The following FGF14 variants were observed in gnomAD, a reference collection of about 807,000 sequenced individuals.
FGF14 encodes fibroblast growth factor 14.
A neutral mutation model predicts 25.5 loss-of-function variants in FGF14; 5 were observed. The ratio of observed to expected loss-of-function variants is 0.20; its 90% CI spans 0.10 to 0.41. The LOEUF is 0.41. Among genes scored for constraint, FGF14 ranks in the 10% least tolerant of loss-of-function variants. FGF14 has a pLI of 1.00. For synonymous variants in FGF14, 138 were observed against 118.3 expected, an observed-to-expected ratio of 1.17 and a Z score of -1.08; for missense variants, 222 against 320.1, an observed-to-expected ratio of 0.69 and a Z score of 2.34.
intron 1 of FGF14, among the ~76,000 whole-genome samples, chr13:102,286,177 T>C (rs1363428950): frequency 6.6e-6 from 1 of 152,116 alleles, no homozygotes; most frequent in Admixed American, 6.5e-5. Context: ...ATTGCCATAT[T>C]CTCACCAGGT....
intron 1 of FGF14, among the ~76,000 whole-genome samples, chr13:102,128,338 C>T (rs2046037169): frequency 7.0e-6 from 1 of 142,574 alleles, no homozygotes; most frequent in Non-Finnish European, 1.6e-5. Context: ...CATTCAGGAA[C>T]TCCAGCCCCA....
At chr13:101,846,525 T>C (rs539609066) in intron 3 of FGF14, among the ~76,000 whole-genome samples, 10 of 152,174 alleles carry the variant, frequency 6.6e-5, no homozygotes, top group Non-Finnish European at 1.2e-4. Flanking sequence ...CTCTTCTCTG[T>C]TGAAATTTAA....
intron 1 of FGF14, among the ~76,000 whole-genome samples, chr13:101,939,665 T>C (rs933738935): frequency 6.6e-6 from 1 of 152,354 alleles, no homozygotes. Context: ...TTCTATCCTC[T>C]TCCTTGTTTC....
intron 1 of FGF14, among the ~76,000 whole-genome samples, chr13:102,335,550 A>G (rs1274820060): frequency 6.6e-6 from 1 of 152,166 alleles, no homozygotes; most frequent in East Asian, 1.9e-4. Flanking sequence ...AAAAGCCCGA[A>G]TGCCTATGAA....
intron 1 of FGF14, among the ~76,000 whole-genome samples, chr13:101,981,331 A>G (rs2038249482): frequency 6.6e-6 from 1 of 152,130 alleles, no homozygotes; most frequent in South Asian, 2.1e-4. Flanking sequence ...CCCTTCCGCC[A>G]TGTAAGGACA....
chr13:101,859,308 A>C (rs1415313864), intron 3 of FGF14, among the ~76,000 whole-genome samples: 1 of 152,168 alleles, frequency 6.6e-6, no homozygotes, highest in African/African-American at 2.4e-5. Flanking sequence ...ATGGAATCAC[A>C]GATTCTGAGA....
intron 1 of FGF14, among the ~76,000 whole-genome samples, chr13:102,022,635 T>C (rs928345051): frequency 2.0e-5 from 3 of 152,028 alleles, no homozygotes; most frequent in Non-Finnish European, 4.4e-5. Flanking sequence ...TTCAGTTTAA[T>C]AGCCAATGAA....
chr13:101,855,155 T>C lies in FGF14; in HGVS notation c.408+13570A>G, dbSNP rs549721253. Among the ~76,000 whole-genome samples the C allele has an allele frequency of 4.6e-5, 7 of 152,120 alleles. No individual in the cohort carries two copies. The East Asian group carries it at 1.4e-3, about 29-fold the overall frequency. ...ACCCTTCAGGTTATAGACTTATCCT[T>C]AACAAACTCACTTTGACGTGACATT... On this transcript the variant is annotated intron_variant, in intron 3 of 4. Coordinates refer to ENST00000376143, the MANE Select transcript of FGF14 (RefSeq NM_004115.4).
chr13:102,364,294 G>T (rs1366797520), intron 1 of FGF14, among the ~76,000 whole-genome samples: 1 of 152,208 alleles, frequency 6.6e-6, no homozygotes, highest in Non-Finnish European at 1.5e-5. Context: ...AGAGCAACCA[G>T]GATGCTTTAG....
chr13:101,762,363 C>A (rs537881923), intron 3 of FGF14, among the ~76,000 whole-genome samples: 2 of 152,144 alleles, frequency 1.3e-5, no homozygotes, highest in Admixed American at 6.5e-5. Context: ...TCCCAACCTT[C>A]GGACCGAGTT....
In FGF14 at chr13:101,831,867, G is replaced by A. The variant is rs190071315; in HGVS notation, c.408+36858C>T. ...GCAGAGAAACAGAGAGCATGTCAGT[G>A]CTGATGGAGAAGGATTGGTAGAAAT... On this transcript the variant is annotated intron_variant, in intron 3 of 4. Transcript: ENST00000376143. Among the ~76,000 whole-genome samples, 44 of 152,206 alleles carry A rather than the reference G, an allele frequency of 2.9e-4. No individual in the cohort carries two copies. The East Asian group carries it at 4.3e-3, about 15-fold the overall frequency.
In FGF14 at chr13:101,715,696, C is replaced by T. The variant is rs779831497; in HGVS notation, c.*7135G>A. ...GTCTGGATTCTTATTTTTTCTGGGC[C>T]ATTAGAACAGATAAATGCGAAGGAA... On this transcript the variant is annotated 3_prime_UTR_variant, in exon 5 of 5. Transcript: ENST00000376143. 1 of 1,307,026 alleles carries T rather than the reference C, an allele frequency of 7.7e-7. No homozygotes were observed. Among genetic ancestry groups the T allele is most frequent in the Non-Finnish European group, 1.1e-6 (1 of 900,018 alleles). 81.0% of individuals were successfully genotyped at this position (1,307,026 alleles called of 1,614,324 possible). A position where few individuals can be genotyped will look rare whatever the true frequency, so the allele number is the denominator to read the frequency against.
Position 101,848,169 on chromosome 13 carries a change from C to A in FGF14, c.408+20556G>T, listed in dbSNP as rs140689661. On this transcript the variant is annotated intron_variant, in intron 3 of 4. Coordinates refer to ENST00000376143, the MANE Select transcript of FGF14 (RefSeq NM_004115.4). The stretch of plus-strand genomic sequence containing the variant: ...TTTTTTAAAAATCAAGGAAATGAAG[C>A]ATATTTAATATGCATAAATTTATAT... 6.8e-3 allele frequency among the ~76,000 whole-genome samples: 1,032 copies of A among 151,946 alleles called. 11 individuals are homozygous for A. Among genetic ancestry groups the A allele is most frequent in the Middle Eastern group, 0.024 (7 of 292 alleles).
intron 1 of FGF14, among the ~76,000 whole-genome samples, chr13:101,875,870 G>A (rs1196407999): frequency 6.6e-6 from 1 of 152,164 alleles, no homozygotes; most frequent in Admixed American, 6.6e-5. Context: ...TTCCATGGAA[G>A]TATCTGTGCT....
chr13:102,207,184 G>A (rs1378204849), intron 1 of FGF14, among the ~76,000 whole-genome samples: 1 of 151,896 alleles, frequency 6.6e-6, no homozygotes, highest in South Asian at 2.1e-4. Context: ...AGAGGCTCAG[G>A]CAGGAAAATC....
chr13:102,208,224 T>C (rs971114473), intron 1 of FGF14, among the ~76,000 whole-genome samples: 1 of 152,144 alleles, frequency 6.6e-6, no homozygotes, highest in Non-Finnish European at 1.5e-5. Flanking sequence ...TAATCTGTAA[T>C]CAGAAAGCAA....
At chr13:101,960,238 T>C (rs2036760615) in intron 1 of FGF14, among the ~76,000 whole-genome samples, 1 of 152,208 alleles carries the variant, frequency 6.6e-6, no homozygotes, top group Non-Finnish European at 1.5e-5. Context: ...ATGGGCAGTG[T>C]GCGCATGTTT....
chr13:102,095,101 G>A (rs767422937), intron 1 of FGF14, among the ~76,000 whole-genome samples: 1 of 152,158 alleles, frequency 6.6e-6, no homozygotes, highest in Non-Finnish European at 1.5e-5. Context: ...CATCGATCCA[G>A]AAACCATAAA....
At chr13:102,212,358 T>C (rs765950677) in intron 1 of FGF14, among the ~76,000 whole-genome samples, 4 of 152,188 alleles carry the variant, frequency 2.6e-5, no homozygotes, top group African/African-American at 4.8e-5. Flanking sequence ...AAGTCTAACA[T>C]GCAATAGTCC....
Sources: gnomAD v4.1 joint callset for allele counts (sites outside exome capture counted in the v4.1 genomes callset) on GRCh38, gnomAD v4.1.1 for gene constraint, MANE v1.5 for transcripts, NCBI Gene and HGNC (gene_info 2026-07-23, HGNC 2026-07-21) for gene names.